SYT7: variants seen among roughly 807,000 people sequenced by gnomAD.
SYT7 encodes the protein synaptotagmin 7.
A neutral mutation model predicts 75.1 loss-of-function variants in SYT7; 29 were observed. The ratio of observed to expected loss-of-function variants is 0.39; its 90% confidence interval spans 0.29 to 0.53. The LOEUF (loss-of-function observed/expected upper bound fraction) is 0.53, where lower values mean the gene tolerates loss of function less well. SYT7 is among the 20% of genes least tolerant of loss of function. The probability of loss-of-function intolerance (pLI) is 0.77; values close to 1 mark genes in which losing one functional copy is unlikely to be tolerated. For synonymous variants in SYT7, 376 were observed against 401.7 expected, an observed-to-expected ratio of 0.94 and a Z score of 0.76; for missense variants, 693 against 953.2, an observed-to-expected ratio of 0.73 and a Z score of 3.59.
intron 1 of SYT7, among the ~76,000 whole-genome samples, chr11:61,562,823 C>G (rs973396482): frequency 1.3e-5 from 2 of 152,112 alleles, no homozygotes. Flanking sequence ...CGGTCCCTTA[C>G]CAGGGCTCAG....
chr11:61,575,495 C>A (rs371875519), intron 1 of SYT7, among the ~76,000 whole-genome samples: 54 of 152,338 alleles, frequency 3.5e-4, no homozygotes, highest in East Asian at 2.3e-3. Flanking sequence ...AACAGCCCCA[C>A]ACCGTCATGG....
chr11:61,523,994 A>G lies in SYT7; in HGVS notation c.1642-53T>C. 6.4e-7 allele frequency: 1 copy of G among 1,551,022 alleles called. No individual in the cohort carries two copies. Among genetic ancestry groups the G allele is most frequent in the Admixed American group, 1.7e-5 (1 of 59,696 alleles). ...GGAACTAGGCTAGCAGAGCTCTCTG[A>G]TTGGCCTAGCTGCCCCCAGGTCCCC... On this transcript the variant is annotated intron_variant, in intron 10 of 12. Coordinates refer to ENST00000539008, the MANE Select transcript of SYT7 (RefSeq NM_001365809.2). The surrounding 1 kb of genome is among the most constrained non-coding windows in gnomAD (Gnocchi z 5.0).
In SYT7 at chr11:61,524,610, G is replaced by T; in HGVS notation, c.1472-78C>A. ...GCCCGGGAGGCAAGGAAGGCCCTGG[G>T]AAGAGGAGGCAGGCCCTGTGCCCTC... On this transcript the variant is annotated intron_variant, in intron 9 of 12. Transcript: ENST00000539008. This position sits in a 1 kb window ranked among gnomAD's most constrained non-coding sequence, Gnocchi z 4.1. 6.9e-7 allele frequency: 1 copy of T among 1,447,920 alleles called. No individual in the cohort carries two copies. The allele number at this position is 1,447,920 out of a possible 1,614,324, so 89.7% of individuals were successfully genotyped here.
intron 5 of SYT7, among the ~76,000 whole-genome samples, chr11:61,543,855 G>C (rs1260341647): frequency 6.6e-6 from 1 of 152,218 alleles, no homozygotes; most frequent in African/African-American, 2.4e-5. Context: ...AGACTGGGCT[G>C]AATGAGCAGC....
chr11:61,584,165 A>C (rs1041167398), upstream of SYT7, among the ~76,000 whole-genome samples: 1 of 152,166 alleles, frequency 6.6e-6, no homozygotes, highest in African/African-American at 2.4e-5. Context: ...CGAGGCGGGC[A>C]GTTCACAAGG....
chr11:61,534,277 A>G (rs1460321271), intron 7 of SYT7, among the ~76,000 whole-genome samples: 1 of 152,242 alleles, frequency 6.6e-6, no homozygotes, highest in African/African-American at 2.4e-5. Flanking sequence ...CCTCCAGCAC[A>G]CAGGTGACCA....
upstream of SYT7, among the ~76,000 whole-genome samples, chr11:61,581,961 A>G (rs1358198584): frequency 1.3e-5 from 2 of 152,158 alleles, no homozygotes; most frequent in Non-Finnish European, 2.9e-5. Flanking sequence ...GGATGATTTG[A>G]TTCTGGGGCA....
At position 61,527,959 on chromosome 11, in the gene SYT7, C is replaced by T. The variant is rs2062575573; in HGVS notation, c.1427G>A (p.Arg476Gln). The T allele has an allele frequency of 1.2e-6, 2 of 1,614,140 alleles. No homozygotes were observed. Among genetic ancestry groups the T allele is most frequent in the Non-Finnish European group, 1.7e-6 (2 of 1,180,024 alleles). ...GTTCCAGTGGGGGTTCAGGTTCTTC[C>T]GCTTCACCTTGGTCTCCAGCTTGTG... ...KKHKLETKVK[R>Q]KNLNPHWNET... Residue 476 changes from arginine to glutamine, a missense_variant, in exon 9 of 13, where the codon CGG becomes CAG. Physicochemically the swap from Arg to Gln is conservative, Grantham distance 43 (BLOSUM62 1). This residue lies in a region of SYT7 where 206 missense variants were observed against 360.0 expected (regional missense o/e 0.57). Coordinates refer to ENST00000539008, the MANE Select transcript of SYT7 (RefSeq NM_001365809.2).
intron 9 of SYT7, among the ~76,000 whole-genome samples, chr11:61,525,280 T>C (rs916726342): frequency 6.6e-5 from 10 of 152,220 alleles, no homozygotes; most frequent in African/African-American, 1.2e-4. Context: ...GCTTAAAGCC[T>C]TTCAATGGCT....
chr11:61,538,065 CG>C, intron 7 of SYT7, 78 bp downstream of exon 7: 1 of 1,514,984 alleles, frequency 6.6e-7, no homozygotes, highest in East Asian at 2.5e-5. Flanking sequence ...GTCCAGCAGC[CG>C]GGGCCGGTCG....
chr11:61,518,801 G>A (rs556921230), intron 12 of SYT7, 70 bp from the exon 13 acceptor site: 3 of 1,156,500 alleles, frequency 2.6e-6, no homozygotes, highest in East Asian at 2.9e-5. Context: ...CCACAGGGGT[G>A]ACACCCCAAC....
In SYT7 at chr11:61,553,153, C is replaced by T. The variant is rs775995242; in HGVS notation, c.136-1690G>A. On this transcript the variant is annotated intron_variant, in intron 2 of 12. Transcript: ENST00000539008. The surrounding 1 kb of genome is among the most constrained non-coding windows in gnomAD (Gnocchi z 5.2). The stretch of plus-strand genomic sequence containing the variant: ...CTGGGTTCACAAAAGCTGCCACTCA[C>T]AGCTCCAACTCCGATCCCTCCCATC... Among the ~76,000 whole-genome samples, 1 of 152,204 alleles carries T rather than the reference C, an allele frequency of 6.6e-6. No individual in the cohort carries two copies. Among genetic ancestry groups the T allele is most frequent in the Non-Finnish European group, 1.5e-5 (1 of 68,020 alleles).
chr11:61,582,559 C>T (rs779878776), upstream of SYT7, among the ~76,000 whole-genome samples: 60 of 152,214 alleles, frequency 3.9e-4, no homozygotes, highest in African/African-American at 9.6e-4. Context: ...ACAGCTTTTC[C>T]GGTTGAGAAA....
Position 61,542,114 on chromosome 11 carries a change from C to G in SYT7, c.941+97G>C. ...GCACCCTGCCAAGGGGATGGAGGGCCGGGAGGTACACACAACCAGCTGCTC... is the reference window on the plus strand; with the variant it reads ...GCACCCTGCCAAGGGGATGGAGGGCGGGGAGGTACACACAACCAGCTGCTC... On this transcript the variant is annotated intron_variant, in intron 6 of 12. Transcript: ENST00000539008. This position sits in a 1 kb window ranked among gnomAD's most constrained non-coding sequence, Gnocchi z 7.8. 7.0e-7 allele frequency: 1 copy of G among 1,432,134 alleles called. No homozygotes were observed. Among genetic ancestry groups the G allele is most frequent in the Non-Finnish European group, 9.2e-7 (1 of 1,089,238 alleles). The allele number at this position is 1,432,134 out of a possible 1,614,324, so 88.7% of individuals were successfully genotyped here. A position where few individuals can be genotyped will look rare whatever the true frequency, so the allele number is the denominator to read the frequency against.
intron 1 of SYT7, among the ~76,000 whole-genome samples, chr11:61,558,105 C>T (rs762173986): frequency 1.5e-4 from 23 of 152,208 alleles, no homozygotes; most frequent in Non-Finnish European, 3.1e-4. Context: ...GTTTAACTCA[C>T]TTTGAAATAA....
At chr11:61,583,225 C>T (rs948238587), upstream of SYT7, among the ~76,000 whole-genome samples, 1 of 143,614 alleles carries the variant, frequency 7.0e-6, no homozygotes, top group African/African-American at 2.5e-5. Context: ...AGCCCGGTCT[C>T]AAAAAAAAAA....
At chr11:61,560,284 TCTCTGGGG>T (rs1366518967) in intron 1 of SYT7, among the ~76,000 whole-genome samples, 1 of 152,160 alleles carries the variant, frequency 6.6e-6, no homozygotes, top group East Asian at 1.9e-4. Context: ...GCCTGGAGTC[TCTCTGGGG>T]CTCTGGGGAG....
In SYT7 at chr11:61,523,933, TC is replaced by T; in HGVS notation, c.1649del (p.Arg550GlnfsTer19). 6.2e-7 allele frequency: 1 copy of T among 1,613,872 alleles called. No homozygotes were observed. The highest frequency in any genetic ancestry group is 8.5e-7 in the Non-Finnish European group (1 of 1,179,866). On this transcript the variant is annotated frameshift_variant, in exon 11 of 13. Coordinates refer to ENST00000539008, the MANE Select transcript of SYT7 (RefSeq NM_001365809.2). LOFTEE classifies it high-confidence loss of function. This position sits in a 1 kb window ranked among gnomAD's most constrained non-coding sequence, Gnocchi z 5.0. The stretch of plus-strand genomic sequence containing the variant: ...AGCAGAGAGACAAGAGCAGCTCCCC[TC>T]GGCTCCCCTGGGAGGCACGACAGGA... ...LKPCSDGSGS[R>X]GELLLSLCYN...
chr11:61,522,405 G>C (rs1017304835), intron 12 of SYT7, among the ~76,000 whole-genome samples: 1 of 151,944 alleles, frequency 6.6e-6, no homozygotes, highest in Non-Finnish European at 1.5e-5. Context: ...GGCCAGGCTG[G>C]TCTCAAACTC....
Sources: gnomAD v4.1 joint callset for allele counts (sites outside exome capture counted in the v4.1 genomes callset) on GRCh38, gnomAD v4.1.1 for gene constraint, gnomAD v4.1.1 regional missense constraint, Gnocchi (gnomAD v3.1) non-coding constraint, MANE v1.5 for transcripts, NCBI Gene and HGNC (gene_info 2026-07-23, HGNC 2026-07-21) for gene names.